TUT7: variants seen among roughly 807,000 people sequenced by gnomAD.
TUT7 encodes the protein terminal uridylyltransferase 7.
A neutral mutation model predicts 165.9 loss-of-function variants in TUT7; 33 were observed. The ratio of observed to expected loss-of-function variants is 0.20; its 90% confidence interval spans 0.15 to 0.27. The LOEUF (loss-of-function observed/expected upper bound fraction) is 0.27, where lower values mean the gene tolerates loss of function less well. TUT7 is among the 10% of genes least tolerant of loss of function. The pLI is 1.00. For synonymous variants in TUT7, 552 were observed against 608.1 expected, an observed-to-expected ratio of 0.91 and a Z score of 1.36; for missense variants, 1,338 against 1,762.3, an observed-to-expected ratio of 0.76 and a Z score of 4.31.
chr9:86,315,322 T>A (rs1179413371), intron 17 of TUT7, among the ~76,000 whole-genome samples: 1 of 152,230 alleles, frequency 6.6e-6, no homozygotes, highest in Non-Finnish European at 1.5e-5. Context: ...AATCTAAAAA[T>A]GATCTGTTTT....
intron 2 of TUT7, among the ~76,000 whole-genome samples, chr9:86,351,702 G>A (rs1564105503): frequency 6.6e-6 from 1 of 152,178 alleles, no homozygotes; most frequent in Non-Finnish European, 1.5e-5. Flanking sequence ...AAGGCATCGG[G>A]TGATCTAGAA....
At chr9:86,322,647 T>C (rs1221500145) in intron 13 of TUT7, among the ~76,000 whole-genome samples, 172 bp from the exon 14 acceptor site, 2 of 152,208 alleles carry the variant, frequency 1.3e-5, no homozygotes, top group Admixed American at 1.3e-4. Flanking sequence ...TATAGTATCA[T>C]TAGGAGAACA....
chr9:86,309,871 C>T, intron 19 of TUT7, 57 bp downstream of exon 19: 2 of 1,460,742 alleles, frequency 1.4e-6, no homozygotes, highest in South Asian at 2.3e-5. Flanking sequence ...ATGTTTTCAA[C>T]AGTGTTTAAA....
chr9:86,306,490 A>G (rs913713620), intron 22 of TUT7, among the ~76,000 whole-genome samples: 3 of 152,348 alleles, frequency 2.0e-5, no homozygotes, highest in Admixed American at 6.5e-5. Flanking sequence ...AGATACTACA[A>G]TATTAGCTAC....
At chr9:86,343,610 GGTGTAA>G (rs1362122655) in intron 5 of TUT7, among the ~76,000 whole-genome samples, 1 of 151,932 alleles carries the variant, frequency 6.6e-6, no homozygotes, top group African/African-American at 2.4e-5. Flanking sequence ...TGCACCCATT[GGTGTAA>G]TTTACTATAA....
intron 9 of TUT7, 91 bp from the exon 10 acceptor site, chr9:86,337,629 T>G: frequency 7.9e-6 from 11 of 1,400,346 alleles, no homozygotes; most frequent in Non-Finnish European, 1.1e-5. Context: ...CTCATTCTTG[T>G]TTACTACATG....
In TUT7 at chr9:86,297,562, T is replaced by C. The variant is rs542374504; in HGVS notation, c.4420+3714A>G. The stretch of plus-strand genomic sequence containing the variant: ...GAAGCTTATGGCCAGGTGTGGCGGC[T>C]CATATCTATCATTTTAGTATTTTGG... On this transcript the variant is annotated intron_variant, in intron 26 of 26. Transcript: ENST00000375963. 2.6e-5 allele frequency among the ~76,000 whole-genome samples: 4 copies of C among 152,194 alleles called. No individual in the cohort carries two copies. In the East Asian group the frequency reaches 7.7e-4, roughly 29 times the overall value.
intron 19 of TUT7, 140 bp downstream of exon 19, chr9:86,309,788 C>T: frequency 1.0e-6 from 1 of 954,460 alleles, no homozygotes; most frequent in Non-Finnish European, 1.6e-6. Flanking sequence ...AAAATTTTAG[C>T]TTTCTTCATA....
Position 86,352,981 on chromosome 9 carries a change from G to C in TUT7, c.219C>G (p.Ser73=), listed in dbSNP as rs1385572543. 4 of 1,614,160 alleles carry C rather than the reference G, an allele frequency of 2.5e-6. No homozygotes were observed. Among genetic ancestry groups the C allele is most frequent in the South Asian group, 2.2e-5 (2 of 91,084 alleles). Residue 73 remains serine, a synonymous_variant, in exon 2 of 27, where the codon TCC becomes TCG. Coordinates refer to ENST00000375963, the MANE Select transcript of TUT7 (RefSeq NM_024617.4). ...NTPRKGPCAV[S]SNPYAFKNPI... Reference sequence around the variant, plus strand: ...GGTTTTTAAATGCATATGGATTGCTGGAAACAGCACATGGTCCTTTTCTGG... The same window carrying C: ...GGTTTTTAAATGCATATGGATTGCTCGAAACAGCACATGGTCCTTTTCTGG...
chr9:86,345,107 G>A lies in TUT7; in HGVS notation c.867C>T (p.Pro289=), dbSNP rs141577463. Residue 289 remains proline (P), a synonymous_variant, in exon 5 of 27, where the codon CCC becomes CCT. Coordinates refer to ENST00000375963, the MANE Select transcript of TUT7 (RefSeq NM_024617.4). ...ELLTTLPPPT[P]SQINAVGIAI... is the part of the protein sequence containing the mutation. Reference sequence around the variant, plus strand: ...CAATGCCAACTGCATTTATCTGGGAGGGTGTTGGTGGGGGTAACGTAGTGA... The same window carrying A: ...CAATGCCAACTGCATTTATCTGGGAAGGTGTTGGTGGGGGTAACGTAGTGA... The A allele has an allele frequency of 5.0e-6, 8 of 1,613,402 alleles. No homozygotes were observed. Among genetic ancestry groups the A allele is most frequent in the Non-Finnish European group, 6.8e-6 (8 of 1,179,762 alleles).
At chr9:86,299,964 G>A (rs780986559) in intron 26 of TUT7, among the ~76,000 whole-genome samples, 1 of 152,182 alleles carries the variant, frequency 6.6e-6, no homozygotes, top group Non-Finnish European at 1.5e-5. Flanking sequence ...TGAAGCTGTT[G>A]TAAAAATTAA....
Position 86,346,409 on chromosome 9 carries a change from C to T in TUT7, c.592G>A (p.Asp198Asn). 6.2e-7 allele frequency: 1 copy of T among 1,614,152 alleles called. No individual in the cohort carries two copies. Among genetic ancestry groups the T allele is most frequent in the Non-Finnish European group, 8.5e-7 (1 of 1,179,980 alleles). ...TCATCGATCACAGGGCCTTCCAAGTCTCCATCCTGCTCATTTTCCTCATTT... is the reference window on the plus strand; with the variant it reads ...TCATCGATCACAGGGCCTTCCAAGTTTCCATCCTGCTCATTTTCCTCATTT... ...TRNEENEQDG[D>N]LEGPVIDESV... The change falls in exon 3 of 27, where the codon GAC (aspartate) becomes AAC (asparagine). Residue 198 changes from aspartate to asparagine, a missense_variant. Physicochemically the swap from Asp to Asn is conservative, Grantham distance 23 (BLOSUM62 1). Around this residue, in one of 7 missense-constraint regions of TUT7, gnomAD observed 434 missense variants for 480.8 expected, o/e 0.90. Transcript: ENST00000375963.
In TUT7 at chr9:86,323,435, T is replaced by C. The variant is rs776808343; in HGVS notation, c.2315A>G (p.His772Arg). 1.2e-6 allele frequency: 2 copies of C among 1,614,238 alleles called. No individual in the cohort carries two copies. Among genetic ancestry groups the C allele is most frequent in the East Asian group, 2.2e-5 (1 of 44,886 alleles). The change falls in exon 13 of 27, where the codon CAT (histidine) becomes CGT (arginine). Residue 772 changes from histidine (H) to arginine (R), a missense_variant. Transcript: ENST00000375963. ...LLTVDQKRGE[H>R]VVCGSTRNNE... Reference sequence around the variant, plus strand: ...ATTACGTGTGCTGCCACAGACAACATGCTCTCCACGTTTCTGATCAACAGT... The same window carrying C: ...ATTACGTGTGCTGCCACAGACAACACGCTCTCCACGTTTCTGATCAACAGT...
chr9:86,300,700 G>C (rs569869077), intron 26 of TUT7, among the ~76,000 whole-genome samples: 1 of 152,320 alleles, frequency 6.6e-6, no homozygotes, highest in South Asian at 2.1e-4. Flanking sequence ...ACTGCTAATA[G>C]ATATTTTCTT....
intron 5 of TUT7, among the ~76,000 whole-genome samples, 180 bp from the exon 6 acceptor site, chr9:86,343,343 T>C (rs555767352): frequency 2.2e-4 from 34 of 152,178 alleles, no homozygotes; most frequent in Non-Finnish European, 4.3e-4. Context: ...CTTCACTTAA[T>C]TTAATAGGGA....
rs1263956870 is a variant in TUT7, at chr9:86,303,264, C to T, written c.3979-63G>A. ...ACGTGAGATCGGAACACAAAACTAA[C>T]CAGATATTAAACAGTTATCTTACAA... On this transcript the variant is annotated intron_variant, in intron 24 of 26. Transcript: ENST00000375963. The T allele has an allele frequency of 6.9e-6, 5 of 727,280 alleles. No homozygotes were observed. The East Asian group carries it at 1.3e-4, about 19-fold the overall frequency. 45.1% of individuals were successfully genotyped at this position (727,280 alleles called of 1,614,324 possible). A position where few individuals can be genotyped will look rare whatever the true frequency, so the allele number is the denominator to read the frequency against.
intron 26 of TUT7, among the ~76,000 whole-genome samples, chr9:86,294,029 A>G (rs1239489452): frequency 6.6e-6 from 1 of 152,200 alleles, no homozygotes; most frequent in Non-Finnish European, 1.5e-5. Context: ...TATAGGCGTG[A>G]GCCATGGCGC....
chr9:86,332,850 C>A (rs1215340817), intron 10 of TUT7, among the ~76,000 whole-genome samples: 1 of 152,088 alleles, frequency 6.6e-6, no homozygotes, highest in Non-Finnish European at 1.5e-5. Flanking sequence ...CCATTTGGTT[C>A]TTTTGATATT....
intron 26 of TUT7, among the ~76,000 whole-genome samples, chr9:86,291,666 C>T (rs1825909220): frequency 6.6e-6 from 1 of 151,722 alleles, no homozygotes; most frequent in Non-Finnish European, 1.5e-5. Flanking sequence ...TTTCATCCAT[C>T]AGACTTGCAA....
Sources: gnomAD v4.1 joint callset for allele counts (sites outside exome capture counted in the v4.1 genomes callset) on GRCh38, gnomAD v4.1.1 for gene constraint, gnomAD v4.1.1 regional missense constraint, MANE v1.5 for transcripts, NCBI Gene and HGNC (gene_info 2026-07-23, HGNC 2026-07-21) for gene names.